SESN3: variants seen among roughly 807,000 people sequenced by gnomAD.
SESN3 encodes the protein sestrin-3.
A neutral mutation model predicts 55.3 loss-of-function variants in SESN3; 21 were observed. The ratio of observed to expected loss-of-function variants is 0.38; its 90% CI spans 0.27 to 0.55. The LOEUF (loss-of-function observed/expected upper bound fraction) is 0.55, where lower values mean the gene tolerates loss of function less well. Among genes scored for constraint, SESN3 ranks in the 20% least tolerant of loss-of-function variants. SESN3 has a pLI of 0.76. For synonymous variants in SESN3, 181 were observed against 203.1 expected (o/e 0.89, Z 0.93); for missense variants, 408 against 604.3 (o/e 0.68, Z 3.41).
Position 95,166,723 on chromosome 11 carries a change from C to CTGTGTA in SESN3, c.*6526_*6531dup, listed in dbSNP as rs1227924781. 1 of 152,178 alleles carries CTGTGTA rather than the reference C, an allele frequency of 6.6e-6. No individual in the cohort carries two copies. The highest frequency in any genetic ancestry group is 2.4e-5 in the African/African-American group (1 of 41,426). 9.4% of individuals were successfully genotyped at this position (152,178 alleles called of 1,614,324 possible). A position where few individuals can be genotyped will look rare whatever the true frequency, so the allele number is the denominator to read the frequency against. ...AGGGTTCTTTATAACCTTGCTGAGA[C>CTGTGTA]TGTGTATGTGTATGTGCCTATACTA... On this transcript the variant is annotated 3_prime_UTR_variant, in exon 10 of 10. Coordinates refer to ENST00000536441, the MANE Select transcript of SESN3 (RefSeq NM_144665.4).
chr11:95,224,975 C>T (rs190881634), intron 1 of SESN3, among the ~76,000 whole-genome samples: 4 of 152,282 alleles, frequency 2.6e-5, no homozygotes, highest in Non-Finnish European at 1.5e-5. Context: ...GCACTTTATA[C>T]GCATTCCATT....
intron 1 of SESN3, among the ~76,000 whole-genome samples, chr11:95,207,875 T>C (rs558197107): frequency 3.3e-5 from 5 of 151,522 alleles, no homozygotes; most frequent in Non-Finnish European, 7.4e-5. Flanking sequence ...GGTTTCATCA[T>C]GTTGCCCAGG....
rs2134278612 is a variant in SESN3, at chr11:95,230,946, C to A, written c.-86G>T. ...CCACTGCAGGGCCGGTCCGTCCCCC[C>A]GCCGCCAGCCGCGATTCCGCCTCAG... On this transcript the variant is annotated 5_prime_UTR_variant, in exon 1 of 10. Coordinates refer to ENST00000536441, the MANE Select transcript of SESN3 (RefSeq NM_144665.4). This position sits in a 1 kb window ranked among gnomAD's most constrained non-coding sequence, Gnocchi z 4.6. 3.6e-6 allele frequency: 3 copies of A among 835,176 alleles called. No individual in the cohort carries two copies. The highest frequency in any genetic ancestry group is 2.5e-5 in the South Asian group (1 of 40,136). The allele number at this position is 835,176 out of a possible 1,614,324, so 51.7% of individuals were successfully genotyped here. A position where few individuals can be genotyped will look rare whatever the true frequency, so the allele number is the denominator to read the frequency against.
chr11:95,177,430 T>C (rs988625831), intron 8 of SESN3, among the ~76,000 whole-genome samples: 5 of 152,158 alleles, frequency 3.3e-5, no homozygotes, highest in African/African-American at 1.2e-4. Flanking sequence ...CACCTGTTCT[T>C]CCAGGAAGGA....
chr11:95,218,957 T>C (rs1860811626), intron 1 of SESN3, among the ~76,000 whole-genome samples: 1 of 152,220 alleles, frequency 6.6e-6, no homozygotes, highest in Admixed American at 6.5e-5. Flanking sequence ...CGGCCATATT[T>C]ACCCTTATTT....
At chr11:95,226,715 A>C (rs183371524) in intron 1 of SESN3, among the ~76,000 whole-genome samples, 96 of 152,352 alleles carry the variant, frequency 6.3e-4, no homozygotes, top group African/African-American at 1.9e-3. Context: ...ATAGCAGAAC[A>C]AATTGTAATT....
intron 1 of SESN3, among the ~76,000 whole-genome samples, chr11:95,220,460 G>T (rs1388045796): frequency 6.6e-6 from 1 of 151,922 alleles, no homozygotes; most frequent in Non-Finnish European, 1.5e-5. Flanking sequence ...AAATCCTGAG[G>T]TTAAGAAAGA....
intron 1 of SESN3, among the ~76,000 whole-genome samples, chr11:95,220,533 A>G (rs1189608244): frequency 6.6e-6 from 1 of 152,224 alleles, no homozygotes; most frequent in African/African-American, 2.4e-5. Context: ...AAACTGTTCA[A>G]TAAGAACTTT....
intron 1 of SESN3, among the ~76,000 whole-genome samples, chr11:95,221,949 T>C (rs1166492702): frequency 1.3e-5 from 2 of 152,206 alleles, no homozygotes; most frequent in East Asian, 3.8e-4. Flanking sequence ...GAGTGCCTGC[T>C]GGCCAAGGGG....
upstream of SESN3, chr11:95,231,340 G>A: frequency 5.2e-6 from 2 of 387,164 alleles, no homozygotes. Flanking sequence ...ACTGGGAGTC[G>A]CGCCGGCCAA....
chr11:95,202,101 T>G (rs1046015472), intron 1 of SESN3, among the ~76,000 whole-genome samples: 6 of 152,076 alleles, frequency 3.9e-5, no homozygotes, highest in African/African-American at 1.2e-4. Flanking sequence ...AAGGTTCAGT[T>G]ATATTGTTTC....
Position 95,171,461 on chromosome 11 carries a change from C to G in SESN3, c.*1794G>C, listed in dbSNP as rs1859848006. The stretch of plus-strand genomic sequence containing the variant: ...TACCTTATGTTAATAAGTATACAGT[C>G]ATATTTGTTTTCCTATCTGGAACAA... On this transcript the variant is annotated 3_prime_UTR_variant, in exon 10 of 10. Transcript: ENST00000536441. 1 of 152,098 alleles carries G rather than the reference C, an allele frequency of 6.6e-6. No individual in the cohort carries two copies. Among genetic ancestry groups the G allele is most frequent in the Non-Finnish European group, 1.5e-5 (1 of 67,982 alleles). The allele number at this position is 152,098 out of a possible 1,614,324, so 9.4% of individuals were successfully genotyped here.
At position 95,221,057 on chromosome 11, in the gene SESN3, C is replaced by T. The variant is rs113893238; in HGVS notation, c.78+9726G>A. 2.8e-3 allele frequency among the ~76,000 whole-genome samples: 428 copies of T among 152,236 alleles called. 1 individual carries two copies. Among genetic ancestry groups the T allele is most frequent in the African/African-American group, 9.5e-3 (396 of 41,526 alleles). ...GTGGCTCGTGCCTTTAATCCTAGCA[C>T]TTTGGGAGGCCAAGGCAGGCAGATC... On this transcript the variant is annotated intron_variant, in intron 1 of 9. Transcript: ENST00000536441.
At chr11:95,188,419 C>T (rs1037329858) in intron 4 of SESN3, among the ~76,000 whole-genome samples, 5 of 151,570 alleles carry the variant, frequency 3.3e-5, no homozygotes, top group African/African-American at 1.2e-4. Flanking sequence ...TCCTGTGTAC[C>T]TCCTGAGTAC....
At chr11:95,210,978 A>AT (rs150417541) in intron 1 of SESN3, among the ~76,000 whole-genome samples, 2,478 of 152,366 alleles carry the variant, frequency 0.016, 43 homozygotes, top group Non-Finnish European at 0.022. Flanking sequence ...TTACACTTGC[A>AT]TTATGTGAAA....
intron 6 of SESN3, 117 bp from the exon 7 acceptor site, chr11:95,178,945 A>G: frequency 1.6e-6 from 1 of 615,294 alleles, no homozygotes; most frequent in Non-Finnish European, 2.9e-6. Flanking sequence ...AAGTGAAAAC[A>G]TGGACTCCGT....
At chr11:95,197,178 A>G (rs1471714321) in intron 1 of SESN3, among the ~76,000 whole-genome samples, 3 of 152,182 alleles carry the variant, frequency 2.0e-5, no homozygotes, top group Non-Finnish European at 4.4e-5. Flanking sequence ...AGTATTGTTA[A>G]CTATATGCAT....
rs139887233 is a variant in SESN3 at position 95,173,246 on chromosome 11, G to C, written c.*9C>G. The stretch of plus-strand genomic sequence containing the variant: ...TTACACATGTATGACATTTTCCTTG[G>C]GTGATACTTCAGGTCAAATGCCGAG... On this transcript the variant is annotated 3_prime_UTR_variant, in exon 10 of 10. Coordinates refer to ENST00000536441, the MANE Select transcript of SESN3 (RefSeq NM_144665.4). 3 of 1,537,484 alleles carry C rather than the reference G, an allele frequency of 2.0e-6. No individual in the cohort carries two copies. Among genetic ancestry groups the C allele is most frequent in the African/African-American group, 2.7e-5 (2 of 74,086 alleles).
chr11:95,230,800 G>T lies in SESN3; in HGVS notation c.61C>A (p.Arg21=). 6.2e-7 allele frequency: 1 copy of T among 1,607,376 alleles called. No individual in the cohort carries two copies. Among genetic ancestry groups the T allele is most frequent in the Non-Finnish European group, 8.5e-7 (1 of 1,177,838 alleles). ...AANYLLCTNC[R]KVLRKDKRIR... ...ACCCGTACCTTCCGCAGCACTTTCCGGCAGTTGGTACAGAGCAGGTAGTTG... is the reference window on the plus strand; with the variant it reads ...ACCCGTACCTTCCGCAGCACTTTCCTGCAGTTGGTACAGAGCAGGTAGTTG... The change falls in exon 1 of 10, where the codon CGG becomes AGG. Residue 21 remains arginine (R), a synonymous_variant. Transcript: ENST00000536441. This position sits in a 1 kb window ranked among gnomAD's most constrained non-coding sequence, Gnocchi z 4.6.
Sources: gnomAD v4.1 joint callset for allele counts (sites outside exome capture counted in the v4.1 genomes callset) on GRCh38, gnomAD v4.1.1 for gene constraint, Gnocchi (gnomAD v3.1) non-coding constraint, MANE v1.5 for transcripts, NCBI Gene and HGNC (gene_info 2026-07-23, HGNC 2026-07-21) for gene names.